The following FBN2 variants were observed in gnomAD, a reference collection of about 807,000 sequenced individuals.
FBN2 encodes fibrillin-2.
Under a neutral mutation model 355.6 loss-of-function variants are expected in FBN2, and 105 were observed. The ratio of observed to expected loss-of-function variants is 0.30; its 90% CI spans 0.25 to 0.35. The LOEUF is 0.35. Among genes scored for constraint, FBN2 ranks in the 10% least tolerant of loss-of-function variants. The pLI is 1.00. For synonymous variants in FBN2, 1,350 were observed against 1,301.2 expected, an observed-to-expected ratio of 1.04 and a Z score of -0.81; for missense variants, 3,280 against 3,758.7, an observed-to-expected ratio of 0.87 and a Z score of 3.33.
intron 5 of FBN2, among the ~76,000 whole-genome samples, chr5:128,514,098 G>T (rs925786062): frequency 6.6e-6 from 1 of 151,982 alleles, no homozygotes; most frequent in Non-Finnish European, 1.5e-5. Flanking sequence ...TTCTCTCTCT[G>T]CTTATTGTAA....
chr5:128,380,451 C>T (rs1006012969), intron 11 of FBN2, among the ~76,000 whole-genome samples: 1 of 152,088 alleles, frequency 6.6e-6, no homozygotes, highest in Non-Finnish European at 1.5e-5. Flanking sequence ...AAAGCCACTT[C>T]TGCAGGACTG....
chr5:128,512,436 C>T (rs1008122253), intron 5 of FBN2, among the ~76,000 whole-genome samples: 5 of 142,032 alleles, frequency 3.5e-5, no homozygotes, highest in African/African-American at 8.0e-5. Context: ...TAGCTTGAAC[C>T]GGGGAGGCGG....
At chr5:128,348,037 TCAGCCTCC>T (rs1191830097) in intron 23 of FBN2, among the ~76,000 whole-genome samples, 41 of 152,332 alleles carry the variant, frequency 2.7e-4, no homozygotes, top group African/African-American at 9.4e-4. Context: ...TCCACCTGTC[TCAGCCTCC>T]CAAAGTGCTG....
chr5:128,472,754 G>A (rs545461042), intron 5 of FBN2, among the ~76,000 whole-genome samples: 2 of 150,624 alleles, frequency 1.3e-5, no homozygotes, highest in Admixed American at 6.6e-5. Context: ...TCGCGCCATT[G>A]CACTCCAGCC....
chr5:128,274,527 T>C, intron 60 of FBN2, 40 bp downstream of exon 60: 1 of 1,071,314 alleles, frequency 9.3e-7, no homozygotes, highest in Non-Finnish European at 1.5e-6. Context: ...ATGCATCTAC[T>C]AGAAGTTTGT....
intron 11 of FBN2, among the ~76,000 whole-genome samples, chr5:128,385,726 G>A (rs184378466): frequency 6.6e-6 from 1 of 151,976 alleles, no homozygotes; most frequent in East Asian, 1.9e-4. Context: ...TTTAATAACA[G>A]CCATTTTGAC....
intron 5 of FBN2, among the ~76,000 whole-genome samples, chr5:128,505,588 A>G (rs6860199): frequency 0.21 from 31,988 of 151,928 alleles, 6,048 homozygotes; most frequent in African/African-American, 0.51. Context: ...TCACTCTTAC[A>G]AGTTACCACC....
intron 5 of FBN2, among the ~76,000 whole-genome samples, chr5:128,487,238 T>C (rs1755362577): frequency 6.6e-6 from 1 of 152,184 alleles, no homozygotes; most frequent in South Asian, 2.1e-4. Flanking sequence ...CCTCCTTCAT[T>C]CCAAGTCCCT....
intron 48 of FBN2, among the ~76,000 whole-genome samples, chr5:128,298,369 T>C (rs1749590737): frequency 6.6e-6 from 1 of 152,156 alleles, no homozygotes; most frequent in Non-Finnish European, 1.5e-5. Flanking sequence ...ATTTCCTGAA[T>C]CTGAATGTTG....
intron 5 of FBN2, among the ~76,000 whole-genome samples, chr5:128,478,024 T>C (rs1050177197): frequency 6.6e-6 from 1 of 152,220 alleles, no homozygotes; most frequent in Non-Finnish European, 1.5e-5. Context: ...TTTTCCTCGA[T>C]TCAGACTTTT....
At chr5:128,478,583 T>C (rs1311496719) in intron 5 of FBN2, among the ~76,000 whole-genome samples, 1 of 152,150 alleles carries the variant, frequency 6.6e-6, no homozygotes, top group Non-Finnish European at 1.5e-5. Flanking sequence ...GCACACAACA[T>C]AAAATGGTAA....
intron 9 of FBN2, among the ~76,000 whole-genome samples, chr5:128,394,508 CAG>C (rs1752596730): frequency 6.6e-6 from 1 of 152,086 alleles, no homozygotes; most frequent in Non-Finnish European, 1.5e-5. Context: ...TAAATGAAGA[CAG>C]AGTTTTCTTC....
chr5:128,335,414 T>C, intron 29 of FBN2, 41 bp downstream of exon 29: 1 of 1,613,736 alleles, frequency 6.2e-7, no homozygotes, highest in Non-Finnish European at 8.5e-7. Context: ...CAAGAAAAAA[T>C]TAGTTAGATG....
intron 18 of FBN2, among the ~76,000 whole-genome samples, chr5:128,362,391 A>G (rs1035735715): frequency 1.3e-5 from 2 of 152,224 alleles, no homozygotes; most frequent in African/African-American, 2.4e-5. Context: ...TGTATTTTGC[A>G]TACTCTTTTA....
At chr5:128,273,809 A>G in intron 61 of FBN2, 31 bp downstream of exon 61, 1 of 1,604,868 alleles carries the variant, frequency 6.2e-7, no homozygotes. Context: ...TACTGTTATT[A>G]GATTAAGAAT....
At position 128,344,509 on chromosome 5, in the gene FBN2, G is replaced by A. The variant is rs761504560; in HGVS notation, c.3219C>T (p.Asp1073=). ...CAGGAAATGCTTTGCATTCATTGAT[G>A]TCTAAAAGCAGAATGAAGCCAGAAT... ...DVLTGRPFYK[D]INECKAFPGM... is the part of the protein sequence containing the mutation. Residue 1073 remains aspartate (D), a splice_region_variant and synonymous_variant, in exon 25 of 65, where the codon GAC becomes GAT. Transcript: ENST00000262464. 4 of 1,613,576 alleles carry A rather than the reference G, an allele frequency of 2.5e-6. No homozygotes were observed. Among genetic ancestry groups the A allele is most frequent in the Non-Finnish European group, 1.7e-6 (2 of 1,179,648 alleles).
In FBN2 at chr5:128,345,432, A is replaced by T. The variant is rs770328220; in HGVS notation, c.3142T>A (p.Tyr1048Asn). 1.2e-6 allele frequency: 2 copies of T among 1,614,154 alleles called. No individual in the cohort carries two copies. Among genetic ancestry groups the T allele is most frequent in the Non-Finnish European group, 1.7e-6 (2 of 1,180,024 alleles). Residue 1048 changes from tyrosine (Y) to asparagine (N), a missense_variant, in exon 24 of 65, where the codon TAC (tyrosine) becomes AAC (asparagine). Tyr to Asn is a moderately radical substitution (Grantham distance 143). Coordinates refer to ENST00000262464, the MANE Select transcript of FBN2 (RefSeq NM_001999.4). Reference protein sequence around the residue: ...EECPKPGTKEYETLCPRGAGF... With the variant: ...EECPKPGTKENETLCPRGAGF... ...GCCCCGCGGGGGCACAGCGTCTCGT[A>T]TTCCTTGGTGCCAGGTTTGGGGCAC...
intron 5 of FBN2, among the ~76,000 whole-genome samples, chr5:128,468,855 G>A (rs748574405): frequency 5.3e-5 from 8 of 151,986 alleles, no homozygotes; most frequent in African/African-American, 9.7e-5. Flanking sequence ...CAAACCATAC[G>A]GAAAAAATAA....
intron 5 of FBN2, among the ~76,000 whole-genome samples, chr5:128,476,793 G>A (rs1197479956): frequency 6.6e-6 from 1 of 152,164 alleles, no homozygotes; most frequent in African/African-American, 2.4e-5. Flanking sequence ...CTTCGCAGGG[G>A]ATCAAGTCCT....
Sources: gnomAD v4.1 joint callset for allele counts (sites outside exome capture counted in the v4.1 genomes callset) on GRCh38, gnomAD v4.1.1 for gene constraint, MANE v1.5 for transcripts, NCBI Gene and HGNC (gene_info 2026-07-23, HGNC 2026-07-21) for gene names.